The following PRKG1 variants were observed in gnomAD, a reference collection of about 807,000 sequenced individuals.
PRKG1 encodes cGMP-dependent protein kinase 1.
In PRKG1, 35 loss-of-function variants were observed where a neutral mutation model predicts 88.1. That is an observed-to-expected ratio of 0.40 (90% CI 0.30 to 0.53). PRKG1 has a LOEUF of 0.53. PRKG1 is among the 20% of genes least tolerant of loss of function. The pLI is 0.59. For missense variants in PRKG1, 540 were observed against 839.8 expected, an observed-to-expected ratio of 0.64 and a Z score of 4.41; for synonymous variants, 303 against 292.5, an observed-to-expected ratio of 1.04 and a Z score of -0.37.
chr10:51,936,728 A>C (rs11592820), intron 5 of PRKG1, among the ~76,000 whole-genome samples: 1 of 151,050 alleles, frequency 6.6e-6, no homozygotes, highest in Non-Finnish European at 1.5e-5. Flanking sequence ...CAATTTTTTT[A>C]AAAATTTTTT....
At chr10:52,107,216 G>A (rs1564471644) in intron 7 of PRKG1, among the ~76,000 whole-genome samples, 1 of 152,198 alleles carries the variant, frequency 6.6e-6, no homozygotes, top group African/African-American at 2.4e-5. Context: ...TTACCCAGAA[G>A]GGGAGAAATA....
chr10:51,839,315 A>G (rs931621259), intron 4 of PRKG1, among the ~76,000 whole-genome samples: 11 of 152,208 alleles, frequency 7.2e-5, no homozygotes, highest in Admixed American at 2.6e-4. Flanking sequence ...TTCATATTCA[A>G]AGTGACAGTG....
chr10:51,189,169 GAA>G (rs1837571233), intron 2 of PRKG1, among the ~76,000 whole-genome samples: 1 of 151,656 alleles, frequency 6.6e-6, no homozygotes. Context: ...CTCTCTTTAG[GAA>G]AAGAGGATGC....
At chr10:51,916,859 G>T (rs1430866668) in intron 5 of PRKG1, among the ~76,000 whole-genome samples, 3 of 152,150 alleles carry the variant, frequency 2.0e-5, no homozygotes. Context: ...TGAAGGACTT[G>T]ATATATGCTA....
intron 3 of PRKG1, among the ~76,000 whole-genome samples, chr10:51,643,197 T>C (rs1839841519): frequency 6.6e-6 from 1 of 152,220 alleles, no homozygotes; most frequent in Non-Finnish European, 1.5e-5. Flanking sequence ...TATTTGAGAA[T>C]ATAACATCAG....
chr10:51,811,223 C>T (rs779916684), intron 4 of PRKG1, among the ~76,000 whole-genome samples: 9 of 152,084 alleles, frequency 5.9e-5, no homozygotes, highest in Non-Finnish European at 1.0e-4. Context: ...GTAATATTTT[C>T]ATTGTTCCTT....
intron 2 of PRKG1, among the ~76,000 whole-genome samples, chr10:51,269,957 A>C (rs1450426709): frequency 6.6e-6 from 1 of 152,246 alleles, no homozygotes; most frequent in African/African-American, 2.4e-5. Flanking sequence ...AGGGCTTTCC[A>C]ACATGTTTCA....
intron 3 of PRKG1, among the ~76,000 whole-genome samples, chr10:51,574,420 A>G (rs1837834497): frequency 6.6e-6 from 1 of 151,904 alleles, no homozygotes; most frequent in East Asian, 1.9e-4. Flanking sequence ...CAATGCTTTT[A>G]GGTTAGTCAA....
chr10:51,711,187 G>A (rs936019749), intron 3 of PRKG1, among the ~76,000 whole-genome samples: 2 of 152,016 alleles, frequency 1.3e-5, no homozygotes, highest in African/African-American at 2.4e-5. Context: ...CTCACTGCAA[G>A]CTCTGCCTCC....
intron 2 of PRKG1, among the ~76,000 whole-genome samples, chr10:51,194,239 T>G (rs1168585003): frequency 1.3e-5 from 2 of 151,868 alleles, no homozygotes; most frequent in East Asian, 3.9e-4. Flanking sequence ...TTTTTTAGTT[T>G]TTTTTTTTTT....
intron 1 of PRKG1, among the ~76,000 whole-genome samples, chr10:51,012,921 T>G (rs1843011158): frequency 6.6e-6 from 1 of 152,206 alleles, no homozygotes; most frequent in Admixed American, 6.5e-5. Context: ...GTTCTAACAT[T>G]GGGAAATCAC....
At position 51,276,721 on chromosome 10, in the gene PRKG1, A is replaced by G. The variant is rs1271443547; in HGVS notation, c.478+123391A>G. Among the ~76,000 whole-genome samples the G allele has an allele frequency of 2.0e-5, 3 of 152,142 alleles. No homozygotes were observed. The East Asian group carries it at 5.8e-4, about 29-fold the overall frequency. ...TGCATTTCTCTGATGACCAGTGATG[A>G]TGAGCATTTTTTCATGTGTCTGTCG... On this transcript the variant is annotated intron_variant, in intron 2 of 17. Coordinates refer to ENST00000373980, the MANE Select transcript of PRKG1 (RefSeq NM_006258.4).
intron 2 of PRKG1, among the ~76,000 whole-genome samples, chr10:51,396,664 G>T (rs1415181185): frequency 6.6e-6 from 1 of 152,236 alleles, no homozygotes; most frequent in Non-Finnish European, 1.5e-5. Context: ...GGAGCTCCAG[G>T]ATGCTCAGCT....
intron 7 of PRKG1, among the ~76,000 whole-genome samples, chr10:52,112,388 T>C (rs866257903): frequency 6.6e-6 from 1 of 152,192 alleles, no homozygotes; most frequent in Non-Finnish European, 1.5e-5. Context: ...TTAATAGTTA[T>C]ACTTTGATTG....
intron 1 of PRKG1, among the ~76,000 whole-genome samples, chr10:51,125,323 CA>C (rs1443673646): frequency 1.3e-5 from 2 of 150,536 alleles, no homozygotes; most frequent in African/African-American, 2.4e-5. Context: ...GACCTTGCTT[CA>C]AAAAAATTAA....
chr10:52,184,373 C>G (rs1039437342), intron 9 of PRKG1, among the ~76,000 whole-genome samples: 41 of 152,094 alleles, frequency 2.7e-4, no homozygotes, highest in African/African-American at 9.7e-4. Flanking sequence ...CACTCTCATC[C>G]ATATCATGAT....
At chr10:51,935,733 A>G (rs1842786883) in intron 5 of PRKG1, among the ~76,000 whole-genome samples, 1 of 151,866 alleles carries the variant, frequency 6.6e-6, no homozygotes, top group Non-Finnish European at 1.5e-5. Context: ...GTAACCCCAT[A>G]CTTTTCTAGG....
chr10:51,101,606 A>G (rs1041596003), intron 1 of PRKG1, among the ~76,000 whole-genome samples: 1 of 152,196 alleles, frequency 6.6e-6, no homozygotes, highest in Non-Finnish European at 1.5e-5. Flanking sequence ...ACAGATGCAC[A>G]TATTTCCACT....
chr10:51,609,775 G>A (rs190167779), intron 3 of PRKG1, among the ~76,000 whole-genome samples: 1 of 152,184 alleles, frequency 6.6e-6, no homozygotes, highest in Non-Finnish European at 1.5e-5. Context: ...CTTTTTAGTG[G>A]GAGCCTAACA....
Sources: allele counts gnomAD v4.1 joint callset (sites outside exome capture counted in the v4.1 genomes callset), GRCh38; gene constraint gnomAD v4.1.1; transcripts MANE v1.5; gene names NCBI Gene and HGNC (gene_info 2026-07-23, HGNC 2026-07-21).